The following FGD5 variants were observed in gnomAD, a reference collection of about 807,000 sequenced individuals.
FGD5 encodes the protein FYVE, RhoGEF and PH domain-containing protein 5.
FGD5 carries 28 observed loss-of-function variants against 133.4 expected under a neutral mutation model. The ratio of observed to expected loss-of-function variants is 0.21; its 90% CI spans 0.16 to 0.29. FGD5 has a LOEUF of 0.29. Among genes scored for constraint, FGD5 ranks in the 10% least tolerant of loss-of-function variants. The pLI, the probability that FGD5 is intolerant of heterozygous loss-of-function variation, is 1.00. For missense variants in FGD5, 1,858 were observed against 1,895.2 expected (o/e 0.98, Z 0.36); for synonymous variants, 810 against 776.5 (o/e 1.04, Z -0.72).
At chr3:14,891,858 A>T (rs34161455) in intron 4 of FGD5, among the ~76,000 whole-genome samples, 2,752 of 150,972 alleles carry the variant, frequency 0.018, 38 homozygotes, top group Non-Finnish European at 0.03. Flanking sequence ...CCCTCCTTCC[A>T]TCTCCCTTCA....
chr3:14,922,600 G>C lies in FGD5; in HGVS notation c.3807+52G>C. On this transcript the variant is annotated intron_variant, in intron 15 of 19. Transcript: ENST00000285046. This position sits in a 1 kb window ranked among gnomAD's most constrained non-coding sequence, Gnocchi z 4.1. ...TGTGCATGGGGGTGGGGTGGGGGAA[G>C]GGCATGTCCCTGCCCAGCCGGGGGC... The C allele has an allele frequency of 1.3e-6, 2 of 1,539,988 alleles. No homozygotes were observed. Among genetic ancestry groups the C allele is most frequent in the Non-Finnish European group, 1.7e-6 (2 of 1,145,926 alleles).
At chr3:14,813,002 C>G (rs760425046) in intron 1 of FGD5, among the ~76,000 whole-genome samples, 1 of 152,016 alleles carries the variant, frequency 6.6e-6, no homozygotes, top group Non-Finnish European at 1.5e-5. Context: ...AATTGAGGTG[C>G]GGAGATTTTA....
chr3:14,914,711 C>T (rs1406381923), intron 11 of FGD5, among the ~76,000 whole-genome samples: 1 of 152,222 alleles, frequency 6.6e-6, no homozygotes, highest in Non-Finnish European at 1.5e-5. Flanking sequence ...ACTCATCAAG[C>T]CATACCCCTG....
rs17040437 is a variant in FGD5, at chr3:14,867,508, A to G, written c.2658+3248A>G. Among the ~76,000 whole-genome samples, 408 of 152,226 alleles carry G rather than the reference A, an allele frequency of 2.7e-3. 4 individuals carry two copies. Among genetic ancestry groups the G allele is most frequent in the African/African-American group, 9.0e-3 (373 of 41,558 alleles). ...AAGGGTAGATCCCAGAAGGCAATCA[A>G]TGGACCAGAGAGCAGGCATATTTTA... On this transcript the variant is annotated intron_variant, in intron 2 of 19. Transcript: ENST00000285046.
At chr3:14,862,432 C>G (rs1008782640) in intron 1 of FGD5, among the ~76,000 whole-genome samples, 11 of 152,174 alleles carry the variant, frequency 7.2e-5, no homozygotes, top group Admixed American at 3.9e-4. Context: ...TGAGTTGTCC[C>G]TGACCTTTAG....
chr3:14,855,310 G>C (rs2037256764), intron 1 of FGD5, among the ~76,000 whole-genome samples: 1 of 151,762 alleles, frequency 6.6e-6, no homozygotes, highest in Non-Finnish European at 1.5e-5. Context: ...TAGTGCTGCA[G>C]TAAAGATGGA....
At chr3:14,812,502 G>C (rs1459778298) in intron 1 of FGD5, among the ~76,000 whole-genome samples, 2 of 152,228 alleles carry the variant, frequency 1.3e-5, no homozygotes, top group Non-Finnish European at 2.9e-5. Context: ...AATAAACTTA[G>C]AGGCAGGTTT....
upstream of FGD5, among the ~76,000 whole-genome samples, chr3:14,816,331 T>C (rs1429869639): frequency 1.3e-5 from 2 of 152,118 alleles, no homozygotes; most frequent in Non-Finnish European, 2.9e-5. Flanking sequence ...ATGTTGACAG[T>C]GTGAAGCTCA....
chr3:14,817,735 C>A (rs559541191), upstream of FGD5, among the ~76,000 whole-genome samples: 4 of 152,298 alleles, frequency 2.6e-5, no homozygotes, highest in South Asian at 8.3e-4. Context: ...CCACTTGTGT[C>A]ATACCCAAGC....
At chr3:14,844,214 AAAAATATATATATATATATATATATAT>A (rs1468084953) in intron 1 of FGD5, among the ~76,000 whole-genome samples, 21 of 35,554 alleles carry the variant, frequency 5.9e-4, no homozygotes, top group African/African-American at 1.5e-3. Context: ...TAAAAAAAAA[AAAAATATATATATATATATATATATAT>A]ATATATATAT....
chr3:14,933,211 A>G lies in FGD5; in HGVS notation c.*44A>G, dbSNP rs2038927977. 2.5e-6 allele frequency: 4 copies of G among 1,602,238 alleles called. No individual in the cohort carries two copies. The East Asian group carries it at 8.9e-5, about 36-fold the overall frequency. On this transcript the variant is annotated 3_prime_UTR_variant, in exon 20 of 20. Transcript: ENST00000285046. The stretch of plus-strand genomic sequence containing the variant: ...ACTTGTAACAAATTCTTAGGTCAAT[A>G]TGTGAATGCTTTTAGAAGCTAAGCT...
Position 14,923,241 on chromosome 3 carries a change from T to C in FGD5, c.3937+66T>C. On this transcript the variant is annotated intron_variant, in intron 16 of 19. Transcript: ENST00000285046. The stretch of plus-strand genomic sequence containing the variant: ...GGCTTCTCCCCAGGCTCCAGTGGCT[T>C]CTCTGTGGTCCATGGTTCATGCCTG... 5 of 1,551,144 alleles carry C rather than the reference T, an allele frequency of 3.2e-6. No individual in the cohort carries two copies. The Admixed American group carries it at 7.7e-5, about 24-fold the overall frequency.
In FGD5 at chr3:14,819,273, G is replaced by A; in HGVS notation, c.202G>A (p.Val68Ile). 6.5e-7 allele frequency: 1 copy of A among 1,532,200 alleles called. No homozygotes were observed. The highest frequency in any genetic ancestry group is 8.8e-7 in the Non-Finnish European group (1 of 1,137,212). 94.9% of individuals were successfully genotyped at this position (1,532,200 alleles called of 1,614,324 possible). A position where few individuals can be genotyped will look rare whatever the true frequency, so the allele number is the denominator to read the frequency against. ...ESETDEDYIV[V>I]PRVPLREDEP... ...GGAGACCGACGAGGATTACATCGTG[G>A]TCCCCAGGGTTCCGCTGAGGGAGGA... is the stretch of plus-strand genomic sequence containing the variant. The change falls in exon 1 of 20, where the codon GTC becomes ATC. Residue 68 changes from valine to isoleucine, a missense_variant. Coordinates refer to ENST00000285046, the MANE Select transcript of FGD5 (RefSeq NM_152536.4). This position sits in a 1 kb window ranked among gnomAD's most constrained non-coding sequence, Gnocchi z 4.1.
At chr3:14,844,603 G>A (rs1181298461) in intron 1 of FGD5, among the ~76,000 whole-genome samples, 1 of 151,992 alleles carries the variant, frequency 6.6e-6, no homozygotes, top group Non-Finnish European at 1.5e-5. Context: ...AGGTTGCGGT[G>A]CTGAATATCT....
chr3:14,912,685 G>A (rs1400960312), intron 11 of FGD5, among the ~76,000 whole-genome samples: 1 of 152,158 alleles, frequency 6.6e-6, no homozygotes, highest in East Asian at 1.9e-4. Flanking sequence ...CCCTGCTGTG[G>A]GTCTTGGAGT....
chr3:14,927,426 C>T (rs187630404), intron 18 of FGD5, among the ~76,000 whole-genome samples: 4 of 151,948 alleles, frequency 2.6e-5, no homozygotes, highest in South Asian at 4.2e-4. Context: ...CGAGACCAGC[C>T]GGAGCAACAT....
rs1298740088 is a variant in FGD5 at position 14,882,425 on chromosome 3, C to T, written c.2748+1653C>T. 10 of 863,180 alleles carry T rather than the reference C, an allele frequency of 1.2e-5. No homozygotes were observed. In the Admixed American group the frequency reaches 1.9e-4, roughly 16 times the overall value. 53.5% of individuals were successfully genotyped at this position (863,180 alleles called of 1,614,324 possible). A position where few individuals can be genotyped will look rare whatever the true frequency, so the allele number is the denominator to read the frequency against. On this transcript the variant is annotated intron_variant, in intron 4 of 19. Transcript: ENST00000285046. ...TAAAAGTCATCACTCAGGCCAGGCG[C>T]GATGGCTCATGCCTGTAATCTCAGC...
intron 13 of FGD5, among the ~76,000 whole-genome samples, chr3:14,920,863 G>C (rs145933101): frequency 2.2e-4 from 34 of 152,334 alleles, no homozygotes; most frequent in African/African-American, 7.2e-4. Flanking sequence ...ACTGCATGAG[G>C]GAGTAGAAAA....
intron 2 of FGD5, among the ~76,000 whole-genome samples, chr3:14,868,560 T>C (rs1052279697): frequency 3.9e-5 from 6 of 152,242 alleles, no homozygotes; most frequent in Non-Finnish European, 7.3e-5. Context: ...ACTTTCTCTG[T>C]GCTATGGACT....
Sources: gnomAD v4.1 joint callset for allele counts (sites outside exome capture counted in the v4.1 genomes callset) on GRCh38, gnomAD v4.1.1 for gene constraint, Gnocchi (gnomAD v3.1) non-coding constraint, MANE v1.5 for transcripts, NCBI Gene and HGNC (gene_info 2026-07-23, HGNC 2026-07-21) for gene names.